Variants in SYNPO2 observed in about 807,000 individuals in gnomAD.
SYNPO2 encodes the protein synaptopodin 2.
A neutral mutation model predicts 85.0 loss-of-function variants in SYNPO2; 56 were observed. That is an observed-to-expected ratio of 0.66 (90% CI 0.53 to 0.82). The LOEUF (loss-of-function observed/expected upper bound fraction) is 0.82, where lower values mean the gene tolerates loss of function less well. SYNPO2 is among the 40% of genes least tolerant of loss of function. SYNPO2 has a pLI of 0.00. For synonymous variants in SYNPO2, 602 were observed against 591.1 expected (o/e 1.02, Z -0.27); for missense variants, 1,575 against 1,534.2 (o/e 1.03, Z -0.44).
chr4:119,051,294 A>G (rs905995625), intron 4 of SYNPO2, among the ~76,000 whole-genome samples: 6 of 133,930 alleles, frequency 4.5e-5, no homozygotes, highest in Admixed American at 2.5e-4. Flanking sequence ...GGTTCACGCC[A>G]TTCTCCTGCC....
In SYNPO2 at chr4:118,872,013, GCTTTTGC is replaced by G. The variant is rs200115765; in HGVS notation, c.12+21077_12+21083del. Among the ~76,000 whole-genome samples, 367 of 152,312 alleles carry G rather than the reference GCTTTTGC, an allele frequency of 2.4e-3. 14 individuals are homozygous for G. In the East Asian group the frequency reaches 0.049, roughly 20 times the overall value. ...AAACAAATGTAGCAATTTGTATCAT[GCTTTTGC>G]CTTAGTCAGTTAAAAGTGATTCCCA... On this transcript the variant is annotated intron_variant, in intron 1 of 4. Transcript: ENST00000610556.
intron 1 of SYNPO2, among the ~76,000 whole-genome samples, chr4:118,856,077 T>C (rs17259173): frequency 0.041 from 6,270 of 152,294 alleles, 199 homozygotes; most frequent in Non-Finnish European, 0.064. Flanking sequence ...TAGCCCATGT[T>C]GTATGGTATA....
chr4:118,997,246 A>AAAAAAAAAAAAAG (rs1736642019), intron 1 of SYNPO2, among the ~76,000 whole-genome samples: 1 of 151,148 alleles, frequency 6.6e-6, no homozygotes, highest in East Asian at 1.9e-4. Context: ...TCTCAAAAAA[A>AAAAAAAAAAAAAG]AAAAAAAAAA....
intron 4 of SYNPO2, among the ~76,000 whole-genome samples, chr4:119,051,972 T>A (rs1739063687): frequency 6.6e-6 from 1 of 152,066 alleles, no homozygotes; most frequent in South Asian, 2.1e-4. Flanking sequence ...AAGATGTGTG[T>A]GTTTGGAGTG....
chr4:118,904,385 C>G (rs1472605502), intron 1 of SYNPO2, among the ~76,000 whole-genome samples: 1 of 152,196 alleles, frequency 6.6e-6, no homozygotes, highest in Admixed American at 6.5e-5. Flanking sequence ...GGAGTCCCAC[C>G]TTGTGAAGTG....
In SYNPO2 at chr4:119,029,888, A is replaced by C; in HGVS notation, c.1113A>C (p.Glu371Asp). ...GCCTGTCAGAAAAACAAGTGAAGGA[A>C]GCAAAATCTAAATGCAAAAGCATTG... ...SESLSEKQVK[E>D]AKSKCKSIAL... Residue 371 changes from glutamate to aspartate, a missense_variant, in exon 4 of 5, where the codon GAA becomes GAC. Glu to Asp is a conservative substitution (Grantham distance 45). Transcript: ENST00000307142. The C allele has an allele frequency of 6.2e-7, 1 of 1,604,512 alleles. No individual in the cohort carries two copies.
chr4:119,029,824 T>G, intron 3 of SYNPO2, 21 bp from the exon 4 acceptor site: 1 of 1,521,414 alleles, frequency 6.6e-7, no homozygotes. Context: ...AATATAATTT[T>G]TTTTTTTTTG....
chr4:118,949,335 C>G (rs1370651672), intron 1 of SYNPO2, among the ~76,000 whole-genome samples: 2 of 152,210 alleles, frequency 1.3e-5, no homozygotes, highest in African/African-American at 4.8e-5. Context: ...TTGAAAAACA[C>G]TACCCTAACC....
chr4:118,855,037 A>T (rs188257397), intron 1 of SYNPO2, among the ~76,000 whole-genome samples: 2 of 152,202 alleles, frequency 1.3e-5, no homozygotes, highest in African/African-American at 4.8e-5. Flanking sequence ...GAGTGCCCAG[A>T]TTCAGCTAGT....
intron 1 of SYNPO2, among the ~76,000 whole-genome samples, chr4:118,936,301 A>T (rs546746705): frequency 6.6e-6 from 1 of 152,242 alleles, no homozygotes; most frequent in Middle Eastern, 3.4e-3. Flanking sequence ...GCATGACTGT[A>T]TATGTATGAA....
chr4:118,903,887 A>G (rs1732840432), intron 1 of SYNPO2, among the ~76,000 whole-genome samples: 1 of 151,674 alleles, frequency 6.6e-6, no homozygotes, highest in South Asian at 2.1e-4. Flanking sequence ...TAATTTTTGT[A>G]TTTTCAGTAG....
chr4:118,927,178 T>G (rs925355529), intron 1 of SYNPO2, among the ~76,000 whole-genome samples: 3 of 152,124 alleles, frequency 2.0e-5, no homozygotes, highest in South Asian at 4.1e-4. Context: ...TTGCCCAACA[T>G]GCACAGCTTT....
intron 1 of SYNPO2, among the ~76,000 whole-genome samples, chr4:118,970,083 A>G (rs564447427): frequency 9.8e-5 from 15 of 152,364 alleles, no homozygotes; most frequent in Non-Finnish European, 2.1e-4. Flanking sequence ...ATCGACATAT[A>G]TGAGCCTTCT....
chr4:119,031,242 A>G lies in SYNPO2; in HGVS notation c.2467A>G (p.Asn823Asp). ...YPPARPASTL[N>D]VAGPFKGPQA... The stretch of plus-strand genomic sequence containing the variant: ...TCCTGCCCGGCCTGCAAGTACTTTG[A>G]ACGTGGCTGGTCCCTTCAAAGGACC... The change falls in exon 4 of 5, where the codon AAC becomes GAC. Residue 823 changes from asparagine (N) to aspartate (D), a missense_variant. By Grantham distance (23) the Asn-to-Asp change is conservative. This residue lies in a region of SYNPO2 where 1,508 missense variants were observed against 1,446.8 expected (regional missense o/e 1.04). Coordinates refer to ENST00000307142, the MANE Select transcript of SYNPO2 (RefSeq NM_133477.3). 6.2e-7 allele frequency: 1 copy of G among 1,614,094 alleles called. No homozygotes were observed. The highest frequency in any genetic ancestry group is 1.7e-5 in the Admixed American group (1 of 60,022).
intron 1 of SYNPO2, among the ~76,000 whole-genome samples, chr4:118,934,921 G>T (rs908248372): frequency 6.6e-6 from 1 of 151,940 alleles, no homozygotes; most frequent in African/African-American, 2.4e-5. Flanking sequence ...TGTTTATTTT[G>T]CCCTTTTTAG....
intron 1 of SYNPO2, among the ~76,000 whole-genome samples, chr4:118,967,448 C>T (rs75663387): frequency 0.11 from 15,999 of 152,258 alleles, 1,053 homozygotes; most frequent in East Asian, 0.15. Flanking sequence ...CTTCAGGTTT[C>T]CAAACTAGCA....
chr4:118,960,025 A>C (rs779553070), intron 1 of SYNPO2, among the ~76,000 whole-genome samples: 9 of 152,224 alleles, frequency 5.9e-5, no homozygotes, highest in Non-Finnish European at 1.2e-4. Context: ...ATAGAAGAGT[A>C]GGAGGCAATG....
chr4:118,913,916 C>T (rs1000599512), intron 1 of SYNPO2, among the ~76,000 whole-genome samples: 3 of 152,086 alleles, frequency 2.0e-5, no homozygotes, highest in East Asian at 1.9e-4. Flanking sequence ...CTGATGCATA[C>T]TTGGGTAGAT....
rs1377288358 is a variant in SYNPO2, at chr4:118,916,347, AT to A, written c.105+27212del. Among the ~76,000 whole-genome samples, 9 of 151,702 alleles carry A rather than the reference AT, an allele frequency of 5.9e-5. No individual in the cohort carries two copies. In the East Asian group the frequency reaches 9.7e-4, roughly 16 times the overall value. ...ACCACCACACCCAGCTGATTTTTGT[AT>A]TTTTTGTAGAAATGGGGTTTCACCA... is the stretch of plus-strand genomic sequence containing the variant. On this transcript the variant is annotated intron_variant, in intron 1 of 4. Coordinates refer to ENST00000307142, the MANE Select transcript of SYNPO2 (RefSeq NM_133477.3).
Sources: allele counts gnomAD v4.1 joint callset (sites outside exome capture counted in the v4.1 genomes callset), GRCh38; gene constraint gnomAD v4.1.1; regional missense constraint gnomAD v4.1.1; transcripts MANE v1.5; gene names NCBI Gene and HGNC (gene_info 2026-07-23, HGNC 2026-07-21).